Variants in SUMF1 observed in about 807,000 individuals in gnomAD.
SUMF1 encodes the protein sulfatase modifying factor 1, also known as formylglycine-generating enzyme.
A neutral mutation model predicts 47.6 loss-of-function variants in SUMF1; 48 were observed. That is an observed-to-expected ratio of 1.01 (90% CI 0.80 to 1.28). SUMF1 has a LOEUF of 1.28. Ranked by LOEUF, SUMF1 falls within the 50% of genes most tolerant of loss-of-function variation. SUMF1 has a pLI of 0.00. For missense variants in SUMF1, 571 were observed against 485.4 expected, an observed-to-expected ratio of 1.18 and a Z score of -1.66; for synonymous variants, 230 against 192.1, an observed-to-expected ratio of 1.20 and a Z score of -1.63.
At chr3:4,457,569 G>C (rs2079697276) in intron 1 of SUMF1, among the ~76,000 whole-genome samples, 1 of 152,096 alleles carries the variant, frequency 6.6e-6, no homozygotes, top group Non-Finnish European at 1.5e-5. Flanking sequence ...ACAGGATAGA[G>C]AGTCCAGAAA....
rs1697957707 is a variant in SUMF1 at position 4,301,269 on chromosome 3, C to T, written c.1014+75061G>A. ...AGGCCCAGAGGCCCAAGTAGAATGGCTTTTTGAGGGAATGTCAACAGAACA... is the reference window on the plus strand; with the variant it reads ...AGGCCCAGAGGCCCAAGTAGAATGGTTTTTTGAGGGAATGTCAACAGAACA... On this transcript the variant is annotated intron_variant and NMD_transcript_variant, in intron 8 of 12. Coordinates refer to the SUMF1 transcript ENST00000448413. 3.3e-5 allele frequency among the ~76,000 whole-genome samples: 5 copies of T among 152,132 alleles called. 1 individual carries two copies. The highest frequency in any genetic ancestry group is 3.3e-4 in the Admixed American group (5 of 15,272).
chr3:4,126,047 C>T (rs1559491721), intron 8 of SUMF1, among the ~76,000 whole-genome samples: 3 of 151,900 alleles, frequency 2.0e-5, no homozygotes, highest in Non-Finnish European at 4.4e-5. Context: ...ATCCCTAGAA[C>T]TGCATCCCAC....
At chr3:4,260,046 A>G (rs1420665900) in intron 8 of SUMF1, among the ~76,000 whole-genome samples, 1 of 151,972 alleles carries the variant, frequency 6.6e-6, no homozygotes, top group African/African-American at 2.4e-5. Context: ...AAGAGTAATG[A>G]TCTAGTTCAA....
At chr3:4,254,262 A>G (rs1696890200) in intron 8 of SUMF1, among the ~76,000 whole-genome samples, 1 of 152,064 alleles carries the variant, frequency 6.6e-6, no homozygotes, top group South Asian at 2.1e-4. Context: ...AGCTGGATGG[A>G]GAATGACTTT....
chr3:4,331,806 G>C (rs1699057011), intron 8 of SUMF1, among the ~76,000 whole-genome samples: 1 of 152,018 alleles, frequency 6.6e-6, no homozygotes, highest in African/African-American at 2.4e-5. Context: ...CTCTAGCCTA[G>C]GTAACAGAGC....
intron 8 of SUMF1, among the ~76,000 whole-genome samples, chr3:4,185,889 T>C (rs1695191467): frequency 6.6e-6 from 1 of 152,162 alleles, no homozygotes. Flanking sequence ...AAAACTTCCT[T>C]ATAGTGGCAG....
intron 3 of SUMF1, among the ~76,000 whole-genome samples, chr3:4,424,488 C>T (rs1702004080): frequency 6.6e-6 from 1 of 152,158 alleles, no homozygotes; most frequent in East Asian, 1.9e-4. Flanking sequence ...CAACACTATC[C>T]TTGACCAAAG....
At chr3:4,269,150 T>G (rs1697257059) in intron 8 of SUMF1, among the ~76,000 whole-genome samples, 1 of 152,136 alleles carries the variant, frequency 6.6e-6, no homozygotes, top group Non-Finnish European at 1.5e-5. Context: ...GTTTTGGCTG[T>G]CTTTTGATCT....
intron 8 of SUMF1, among the ~76,000 whole-genome samples, chr3:4,178,291 A>C (rs1351442609): frequency 1.3e-5 from 2 of 152,210 alleles, no homozygotes; most frequent in East Asian, 3.8e-4. Flanking sequence ...AAAAATCCTC[A>C]ATAAAATACT....
chr3:4,439,434 G>A (rs1421657348), intron 3 of SUMF1, among the ~76,000 whole-genome samples: 3 of 152,100 alleles, frequency 2.0e-5, no homozygotes, highest in Non-Finnish European at 4.4e-5. Flanking sequence ...GCAGAGGTGG[G>A]AGGATGGCTT....
chr3:4,151,535 G>GTA (rs1206964343), intron 8 of SUMF1, among the ~76,000 whole-genome samples: 4 of 125,612 alleles, frequency 3.2e-5, no homozygotes, highest in Admixed American at 9.1e-5. Context: ...GTATATATGT[G>GTA]TATATATATG....
Position 4,138,703 on chromosome 3 carries a change from C to T in SUMF1, c.1015-69958G>A, listed in dbSNP as rs73114450. Among the ~76,000 whole-genome samples, 1,413 of 152,178 alleles carry T rather than the reference C, an allele frequency of 9.3e-3. 24 individuals are homozygous for T. The highest frequency in any genetic ancestry group is 0.033 in the African/African-American group (1,350 of 41,512). On this transcript the variant is annotated intron_variant and NMD_transcript_variant, in intron 8 of 12. Coordinates refer to the SUMF1 transcript ENST00000448413. The stretch of plus-strand genomic sequence containing the variant: ...ATAAGTTTCCTATTTGGGCCCCTTT[C>T]AGACTTCACTTTATGCAACTTTTCC...
At chr3:4,128,271 A>C (rs1693703906) in intron 8 of SUMF1, among the ~76,000 whole-genome samples, 1 of 152,166 alleles carries the variant, frequency 6.6e-6, no homozygotes, top group Non-Finnish European at 1.5e-5. Context: ...CCAGGTGTCT[A>C]CTGTTAAAGT....
intron 8 of SUMF1, among the ~76,000 whole-genome samples, chr3:4,134,038 T>A (rs150702195): frequency 5.9e-5 from 9 of 152,228 alleles, no homozygotes; most frequent in African/African-American, 1.7e-4. Context: ...AACAACCCAC[T>A]GTCAACATTA....
intron 9 of SUMF1, among the ~76,000 whole-genome samples, chr3:4,054,714 T>C (rs1464353022): frequency 6.6e-6 from 1 of 152,144 alleles, no homozygotes. Flanking sequence ...CTCAACCTTC[T>C]TGACCCAGAA....
intron 7 of SUMF1, among the ~76,000 whole-genome samples, chr3:4,398,991 G>A (rs182870533): frequency 4.6e-5 from 7 of 152,186 alleles, no homozygotes; most frequent in East Asian, 1.9e-4. Flanking sequence ...TTCAAAATCC[G>A]GGCCAAAGTC....
intron 8 of SUMF1, among the ~76,000 whole-genome samples, chr3:4,259,244 C>A (rs1371519278): frequency 6.6e-6 from 1 of 151,466 alleles, no homozygotes; most frequent in African/African-American, 2.4e-5. Flanking sequence ...GCACATGTAC[C>A]CTAAAACTTA....
intron 4 of SUMF1, among the ~76,000 whole-genome samples, chr3:4,419,283 G>A (rs1701816126): frequency 2.0e-5 from 3 of 152,264 alleles, no homozygotes; most frequent in East Asian, 3.9e-4. Context: ...GCTTCCAATT[G>A]AGGCTTTGAA....
intron 8 of SUMF1, among the ~76,000 whole-genome samples, chr3:4,332,108 A>C (rs977680117): frequency 6.8e-6 from 1 of 147,520 alleles, no homozygotes; most frequent in African/African-American, 2.4e-5. Context: ...CATTTGATTT[A>C]AGCACTTCCT....
Sources: gnomAD v4.1 joint callset for allele counts (sites outside exome capture counted in the v4.1 genomes callset) on GRCh38, gnomAD v4.1.1 for gene constraint, MANE v1.5 for transcripts, NCBI Gene and HGNC (gene_info 2026-07-23, HGNC 2026-07-21) for gene names.